Variants in COL25A1 observed in about 807,000 individuals in gnomAD.
COL25A1 encodes collagen alpha-1(XXV) chain.
In COL25A1, 103 loss-of-function variants were observed where a neutral mutation model predicts 128.4. The observed-to-expected ratio is 0.80, with a 90% CI of 0.68 to 0.94. The LOEUF (loss-of-function observed/expected upper bound fraction) is 0.94, where lower values mean the gene tolerates loss of function less well. Ranked by LOEUF, COL25A1 falls within the 40% of genes least tolerant of loss-of-function variation. The pLI is 0.00. For missense variants in COL25A1, 745 were observed against 840.0 expected, an observed-to-expected ratio of 0.89 and a Z score of 1.40; for synonymous variants, 279 against 277.2, an observed-to-expected ratio of 1.01 and a Z score of -0.06.
chr4:109,089,128 T>G (rs765593317), intron 3 of COL25A1, among the ~76,000 whole-genome samples: 10 of 152,228 alleles, frequency 6.6e-5, no homozygotes, highest in Middle Eastern at 3.4e-3. Flanking sequence ...CAAGGAAATA[T>G]TAAACAAAAG....
At chr4:108,817,114 A>G (rs1329721283) in intron 37 of COL25A1, among the ~76,000 whole-genome samples, 1 of 152,190 alleles carries the variant, frequency 6.6e-6, no homozygotes, top group Non-Finnish European at 1.5e-5. Flanking sequence ...TAGGAAGACA[A>G]AGATTTTGAG....
Position 109,066,634 on chromosome 4 carries a change from C to T in COL25A1, c.368-16455G>A, listed in dbSNP as rs141761631. On this transcript the variant is annotated intron_variant, in intron 3 of 37. Transcript: ENST00000399132. Reference sequence around the variant, plus strand: ...GATACTTGGTGAACCTATGGATGAACGAACTCCAAAATAATCAAATTCCTT... The same window carrying T: ...GATACTTGGTGAACCTATGGATGAATGAACTCCAAAATAATCAAATTCCTT... Among the ~76,000 whole-genome samples, 9 of 152,206 alleles carry T rather than the reference C, an allele frequency of 5.9e-5. No individual in the cohort carries two copies. In the East Asian group the frequency reaches 9.7e-4, roughly 16 times the overall value.
intron 3 of COL25A1, among the ~76,000 whole-genome samples, chr4:109,197,507 ATAATATT>A (rs1776218750): frequency 7.6e-6 from 1 of 131,564 alleles, no homozygotes; most frequent in Non-Finnish European, 1.6e-5. Context: ...TATATATTAT[ATAATATT>A]TATATATAAT....
intron 8 of COL25A1, among the ~76,000 whole-genome samples, chr4:108,964,742 A>T (rs187064175): frequency 3.6e-4 from 55 of 152,330 alleles, no homozygotes; most frequent in African/African-American, 1.2e-3. Context: ...GTTCAATTCA[A>T]TGCAACAACT....
intron 3 of COL25A1, among the ~76,000 whole-genome samples, chr4:109,251,473 T>C (rs569680638): frequency 1.3e-5 from 2 of 152,290 alleles, no homozygotes; most frequent in African/African-American, 2.4e-5. Flanking sequence ...AGATCCCCTA[T>C]ATGCCATACA....
intron 3 of COL25A1, among the ~76,000 whole-genome samples, chr4:109,107,863 C>T (rs1337695078): frequency 6.6e-6 from 1 of 152,212 alleles, no homozygotes; most frequent in Non-Finnish European, 1.5e-5. Context: ...CTCGTGTATA[C>T]ACAGCTTACC....
intron 3 of COL25A1, among the ~76,000 whole-genome samples, chr4:109,268,207 T>G (rs1279482664): frequency 6.6e-6 from 1 of 152,190 alleles, no homozygotes; most frequent in African/African-American, 2.4e-5. Flanking sequence ...ATTAAGAAAT[T>G]TGGGCGACTG....
intron 13 of COL25A1, among the ~76,000 whole-genome samples, chr4:108,916,574 T>C (rs915231514): frequency 3.3e-5 from 5 of 152,136 alleles, no homozygotes; most frequent in Non-Finnish European, 7.4e-5. Context: ...ATCTTAGGCA[T>C]ACAAGTTTTG....
intron 35 of COL25A1, chr4:108,819,718 G>A (rs1194288710): frequency 5.4e-6 from 3 of 552,038 alleles, no homozygotes; most frequent in Non-Finnish European, 8.2e-6. Flanking sequence ...AGCCCAATCA[G>A]AAACCCTCCT....
chr4:108,902,754 G>A (rs146924842), intron 13 of COL25A1, among the ~76,000 whole-genome samples: 1 of 151,920 alleles, frequency 6.6e-6, no homozygotes, highest in Non-Finnish European at 1.5e-5. Flanking sequence ...TGTAACTCTT[G>A]CACTTTCCTT....
chr4:109,183,997 C>A (rs1774905125), intron 3 of COL25A1, among the ~76,000 whole-genome samples: 1 of 151,144 alleles, frequency 6.6e-6, no homozygotes, highest in Non-Finnish European at 1.5e-5. Context: ...TTGAGGCCTG[C>A]TTCATGAAAA....
chr4:109,291,505 C>T (rs1578654173), intron 3 of COL25A1, among the ~76,000 whole-genome samples: 1 of 151,978 alleles, frequency 6.6e-6, no homozygotes, highest in Admixed American at 6.6e-5. Flanking sequence ...TCCTAGAAGT[C>T]TTATAACGTA....
At chr4:108,888,941 T>C (rs1741132782) in intron 18 of COL25A1, among the ~76,000 whole-genome samples, 1 of 152,206 alleles carries the variant, frequency 6.6e-6, no homozygotes, top group East Asian at 1.9e-4. Context: ...GGATACATTG[T>C]TGGCATTCCA....
At chr4:109,259,776 T>C (rs1781310146) in intron 3 of COL25A1, among the ~76,000 whole-genome samples, 1 of 152,232 alleles carries the variant, frequency 6.6e-6, no homozygotes, top group Non-Finnish European at 1.5e-5. Context: ...TGCAGGCAGA[T>C]AGCTACTATT....
intron 13 of COL25A1, among the ~76,000 whole-genome samples, chr4:108,912,376 A>G (rs1007701994): frequency 1.3e-5 from 2 of 152,162 alleles, no homozygotes; most frequent in East Asian, 1.9e-4. Flanking sequence ...ATTAAAAAAT[A>G]TAATTCTCAC....
chr4:109,065,595 C>T (rs1007272677), intron 3 of COL25A1, among the ~76,000 whole-genome samples: 6 of 150,256 alleles, frequency 4.0e-5, no homozygotes, highest in Admixed American at 2.0e-4. Context: ...GGTGCATGCA[C>T]GTGTGTTTAA....
chr4:109,005,721 G>A (rs1755901516), intron 6 of COL25A1, among the ~76,000 whole-genome samples: 1 of 152,138 alleles, frequency 6.6e-6, no homozygotes. Context: ...TTAAGGGTTG[G>A]CTAAGGGAGA....
At chr4:108,814,429 T>C (rs781745998) in intron 37 of COL25A1, among the ~76,000 whole-genome samples, 7 of 152,182 alleles carry the variant, frequency 4.6e-5, no homozygotes, top group Non-Finnish European at 8.8e-5. Flanking sequence ...CTCCTTCCTT[T>C]TGCAAGCCTT....
At chr4:108,925,967 A>T (rs75415250) in intron 11 of COL25A1, among the ~76,000 whole-genome samples, 2 of 152,246 alleles carry the variant, frequency 1.3e-5, no homozygotes, top group East Asian at 3.8e-4. Context: ...TAGAATTATC[A>T]ACCCAAGTAA....
Sources: allele counts gnomAD v4.1 joint callset (sites outside exome capture counted in the v4.1 genomes callset), GRCh38; gene constraint gnomAD v4.1.1; transcripts MANE v1.5; gene names NCBI Gene and HGNC (gene_info 2026-07-23, HGNC 2026-07-21).